MAD1L1: variants seen among roughly 807,000 people sequenced by gnomAD.
The protein encoded by MAD1L1 is mitotic spindle assembly checkpoint protein MAD1.
Under a neutral mutation model 96.9 loss-of-function variants are expected in MAD1L1, and 95 were observed. The observed-to-expected ratio is 0.98, with a 90% CI of 0.83 to 1.16. The LOEUF is 1.16. Ranked by LOEUF, MAD1L1 falls within the 50% of genes most tolerant of loss-of-function variation. MAD1L1 has a pLI of 0.00. For synonymous variants in MAD1L1, 473 were observed against 396.6 expected, an observed-to-expected ratio of 1.19 and a Z score of -2.29; for missense variants, 1,007 against 954.4, an observed-to-expected ratio of 1.06 and a Z score of -0.73.
chr7:1,946,740 G>A (rs542203762), intron 16 of MAD1L1, among the ~76,000 whole-genome samples: 1 of 152,374 alleles, frequency 6.6e-6, no homozygotes, highest in Non-Finnish European at 1.5e-5. Flanking sequence ...CTCCCCTCCA[G>A]GCTGGGCCTA....
In MAD1L1 at chr7:2,088,216, G is replaced by A. The variant is rs747318391; in HGVS notation, c.1074-18878C>T. Among the ~76,000 whole-genome samples, 1 of 152,166 alleles carries A rather than the reference G, an allele frequency of 6.6e-6. No homozygotes were observed. Among genetic ancestry groups the A allele is most frequent in the Non-Finnish European group, 1.5e-5 (1 of 68,042 alleles). ...AAAGCGACCTTGGATCACACATCGCGCCTCTTCACGCCTCCTCACACCCCT... is the reference window on the plus strand; with the variant it reads ...AAAGCGACCTTGGATCACACATCGCACCTCTTCACGCCTCCTCACACCCCT... On this transcript the variant is annotated intron_variant, in intron 11 of 18. Coordinates refer to ENST00000265854, the MANE Select transcript of MAD1L1 (RefSeq NM_001013836.2). This position sits in a 1 kb window ranked among gnomAD's most constrained non-coding sequence, Gnocchi z 4.4.
intron 10 of MAD1L1, among the ~76,000 whole-genome samples, chr7:2,167,746 A>G (rs940208902): frequency 6.6e-6 from 1 of 150,768 alleles, no homozygotes; most frequent in Admixed American, 6.6e-5. Flanking sequence ...AAAAAACACA[A>G]TATTTTAGAC....
chr7:1,997,713 G>T (rs904826045), intron 14 of MAD1L1, among the ~76,000 whole-genome samples: 10 of 152,228 alleles, frequency 6.6e-5, no homozygotes, highest in Non-Finnish European at 1.5e-4. Flanking sequence ...GTGCGGTGGC[G>T]GGGGGCAGGG....
At chr7:1,978,169 T>C (rs1268017504) in intron 15 of MAD1L1, among the ~76,000 whole-genome samples, 1 of 152,236 alleles carries the variant, frequency 6.6e-6, no homozygotes, top group Admixed American at 6.5e-5. Flanking sequence ...CAGACACACA[T>C]TGAAGCCTGT....
chr7:1,989,280 C>A (rs1248898445), intron 14 of MAD1L1, among the ~76,000 whole-genome samples: 1 of 152,268 alleles, frequency 6.6e-6, no homozygotes, highest in Non-Finnish European at 1.5e-5. Flanking sequence ...AATGGCGGCA[C>A]CACTGTCACT....
At chr7:1,832,509 T>C (rs539144005) in intron 18 of MAD1L1, among the ~76,000 whole-genome samples, 4 of 142,342 alleles carry the variant, frequency 2.8e-5, no homozygotes, top group Non-Finnish European at 4.5e-5. Flanking sequence ...GGCTCCAAGA[T>C]AGAAAGAAGT....
rs571059475 is a variant in MAD1L1, at chr7:2,134,268, T to G, written c.1073+14884A>C. Among the ~76,000 whole-genome samples, 3 of 152,348 alleles carry G rather than the reference T, an allele frequency of 2.0e-5. No individual in the cohort carries two copies. In the South Asian group the frequency reaches 6.2e-4, roughly 32 times the overall value. On this transcript the variant is annotated intron_variant, in intron 11 of 18. Coordinates refer to ENST00000265854, the MANE Select transcript of MAD1L1 (RefSeq NM_001013836.2). ...TTTTTGGTGCTAATGTAAATAGTAC[T>G]GGGTGTTGATTTCAAATTCCCTCTG...
intron 17 of MAD1L1, among the ~76,000 whole-genome samples, chr7:1,928,535 A>G (rs899600745): frequency 6.6e-6 from 1 of 152,252 alleles, no homozygotes; most frequent in African/African-American, 2.4e-5. Flanking sequence ...ACCCAGGCAG[A>G]CGATCTCAGC....
chr7:2,201,368 C>T (rs1174600820), intron 10 of MAD1L1, among the ~76,000 whole-genome samples: 3 of 152,116 alleles, frequency 2.0e-5, no homozygotes, highest in Non-Finnish European at 2.9e-5. Context: ...CACGCCAGGG[C>T]ACCCCCTGCT....
chr7:1,863,522 C>T (rs1784630562), intron 18 of MAD1L1, among the ~76,000 whole-genome samples: 1 of 152,242 alleles, frequency 6.6e-6, no homozygotes, highest in Non-Finnish European at 1.5e-5. Flanking sequence ...GGCTGAAGGC[C>T]CGGGAGCCAG....
At chr7:2,206,094 T>C (rs1792583700) in intron 10 of MAD1L1, among the ~76,000 whole-genome samples, 1 of 152,212 alleles carries the variant, frequency 6.6e-6, no homozygotes, top group African/African-American at 2.4e-5. Flanking sequence ...ATCATGCCAC[T>C]ATACTCCAGC....
intron 17 of MAD1L1, among the ~76,000 whole-genome samples, chr7:1,909,255 G>A (rs1210058866): frequency 6.6e-6 from 1 of 152,212 alleles, no homozygotes; most frequent in African/African-American, 2.4e-5. Context: ...GGCTGGGGGA[G>A]CCGCCCGAGT....
rs780780010 is a variant in MAD1L1, at chr7:2,222,578, G to A, written c.468C>T (p.Gly156=). The A allele has an allele frequency of 4.4e-6, 7 of 1,594,378 alleles. No homozygotes were observed. The highest frequency in any genetic ancestry group is 1.3e-5 in the African/African-American group (1 of 74,160). Reference sequence around the variant, plus strand: ...GCGCAGCAGAGGCCCCGCTCACCTCGCCAGCCTGGGCCAGACTGTCCTCTT... The same window carrying A: ...GCGCAGCAGAGGCCCCGCTCACCTCACCAGCCTGGGCCAGACTGTCCTCTT... ...REKEDSLAQA[G]ETINALKGRI... The change falls in exon 5 of 19, where the codon GGC becomes GGT. Residue 156 remains glycine, a synonymous_variant. Transcript: ENST00000265854.
intron 14 of MAD1L1, among the ~76,000 whole-genome samples, chr7:1,983,822 A>T (rs574626682): frequency 6.6e-6 from 1 of 152,238 alleles, no homozygotes; most frequent in East Asian, 1.9e-4. Flanking sequence ...CTTTCTATCA[A>T]TTTTTTATTA....
chr7:1,914,212 G>A (rs911747670), intron 17 of MAD1L1, among the ~76,000 whole-genome samples: 2 of 152,236 alleles, frequency 1.3e-5, no homozygotes, highest in African/African-American at 2.4e-5. Flanking sequence ...AGGAGGAGAT[G>A]GCGCTGTGAT....
At chr7:2,068,570 C>T (rs1396839552) in intron 12 of MAD1L1, among the ~76,000 whole-genome samples, 1 of 152,246 alleles carries the variant, frequency 6.6e-6, no homozygotes, top group East Asian at 1.9e-4. Flanking sequence ...ACTGGACACC[C>T]GCCCTGGCCC....
In MAD1L1 at chr7:2,216,143, C is replaced by T; in HGVS notation, c.809+14G>A. On this transcript the variant is annotated intron_variant, in intron 8 of 18. Transcript: ENST00000265854. ...TCACTCGAGGCGGCTGCCCCATCCC[C>T]CGCAACCCCTCACCGCAGGTGCGCG... 6.2e-7 allele frequency: 1 copy of T among 1,611,484 alleles called. No individual in the cohort carries two copies. The highest frequency in any genetic ancestry group is 8.5e-7 in the Non-Finnish European group (1 of 1,179,354).
chr7:1,943,776 G>A (rs1349019493), intron 16 of MAD1L1, among the ~76,000 whole-genome samples: 1 of 151,860 alleles, frequency 6.6e-6, no homozygotes, highest in Admixed American at 6.6e-5. Flanking sequence ...AGACTCGTCC[G>A]TGAATGTTCA....
rs527708128 is a variant in MAD1L1 at position 1,874,282 on chromosome 7, C to T, written c.1998+23918G>A. ...GAGGTGACACACACTGGCAGACAAC[C>T]GTGTCATCGCACGGCCAGGCTGGGC... On this transcript the variant is annotated intron_variant, in intron 18 of 18. Coordinates refer to ENST00000265854, the MANE Select transcript of MAD1L1 (RefSeq NM_001013836.2). Among the ~76,000 whole-genome samples, 143 of 152,226 alleles carry T rather than the reference C, an allele frequency of 9.4e-4. 1 individual carries two copies. The highest frequency in any genetic ancestry group is 3.1e-3 in the African/African-American group (130 of 41,546).
Sources: gnomAD v4.1 joint callset for allele counts (sites outside exome capture counted in the v4.1 genomes callset) on GRCh38, gnomAD v4.1.1 for gene constraint, Gnocchi (gnomAD v3.1) non-coding constraint, MANE v1.5 for transcripts, NCBI Gene and HGNC (gene_info 2026-07-23, HGNC 2026-07-21) for gene names.